The following CCDC88C variants were observed in gnomAD, a reference collection of about 807,000 sequenced individuals.
CCDC88C encodes protein Daple.
A neutral mutation model predicts 198.8 loss-of-function variants in CCDC88C; 131 were observed. The ratio of observed to expected loss-of-function variants is 0.66; its 90% CI spans 0.57 to 0.76. CCDC88C has a LOEUF of 0.76. CCDC88C is among the 30% of genes least tolerant of loss of function. CCDC88C has a pLI of 0.00. For missense variants in CCDC88C, 2,553 were observed against 2,631.6 expected (o/e 0.97, Z 0.65); for synonymous variants, 1,166 against 1,114.7 (o/e 1.05, Z -0.92).
intron 3 of CCDC88C, among the ~76,000 whole-genome samples, chr14:91,378,365 G>A (rs1455569929): frequency 6.6e-6 from 1 of 152,212 alleles, no homozygotes; most frequent in East Asian, 1.9e-4. Flanking sequence ...AGCTAAACCA[G>A]CTTGGGGCCC....
intron 10 of CCDC88C, among the ~76,000 whole-genome samples, chr14:91,332,687 A>G (rs1313699795): frequency 6.6e-6 from 1 of 151,794 alleles, no homozygotes; most frequent in African/African-American, 2.4e-5. Flanking sequence ...GAATGCAATA[A>G]CCTCTCTGCT....
At position 91,289,335 on chromosome 14, in the gene CCDC88C, T is replaced by C; in HGVS notation, c.4211A>G (p.His1404Arg). 1.2e-6 allele frequency: 2 copies of C among 1,613,750 alleles called. No homozygotes were observed. The highest frequency in any genetic ancestry group is 1.7e-6 in the Non-Finnish European group (2 of 1,179,646). ...GACTAAGGCTTTGGCTCCAATCCAG[T>C]GGTTCTTCCTGGTTAGAAGTAGATG... ...FYDPPPKKKN[H>R]WIGAKALVKL... Residue 1404 changes from histidine (H) to arginine (R), a missense_variant, in exon 25 of 30, where the codon CAC (histidine) becomes CGC (arginine). By Grantham distance (29) the His-to-Arg change is conservative. Transcript: ENST00000389857.
intron 12 of CCDC88C, among the ~76,000 whole-genome samples, chr14:91,321,718 G>T (rs1374583284): frequency 6.6e-6 from 1 of 152,170 alleles, no homozygotes; most frequent in Non-Finnish European, 1.5e-5. Context: ...AGCAGGCAGG[G>T]GCACGTAACT....
chr14:91,301,931 T>C (rs909764531), intron 20 of CCDC88C, among the ~76,000 whole-genome samples: 8 of 151,920 alleles, frequency 5.3e-5, no homozygotes, highest in African/African-American at 1.9e-4. Flanking sequence ...AATAACAAGA[T>C]GGGTGGGGGA....
chr14:91,322,005 C>T (rs761206599), intron 12 of CCDC88C, among the ~76,000 whole-genome samples: 157 of 152,174 alleles, frequency 1.0e-3, no homozygotes, highest in Non-Finnish European at 1.9e-3. Context: ...GAGTTCCTGG[C>T]CCCCTCCTGC....
Position 91,291,089 on chromosome 14 carries a change from G to T in CCDC88C, c.4113-5C>A. The T allele has an allele frequency of 1.4e-6, 2 of 1,455,716 alleles. No homozygotes were observed. Among genetic ancestry groups the T allele is most frequent in the Non-Finnish European group, 1.9e-6 (2 of 1,051,936 alleles). The allele number at this position is 1,455,716 out of a possible 1,614,324, so 90.2% of individuals were successfully genotyped here. A position where few individuals can be genotyped will look rare whatever the true frequency, so the allele number is the denominator to read the frequency against. The stretch of plus-strand genomic sequence containing the variant: ...CGTAAGGCATTTAATTTGTCTCTGT[G>T]AATATAGGAGAAAGAAAACCTATCA... On this transcript the variant is annotated splice_region_variant and splice_polypyrimidine_tract_variant and intron_variant, in intron 23 of 29. Transcript: ENST00000389857.
At chr14:91,413,746 G>A (rs11851555) in intron 2 of CCDC88C, among the ~76,000 whole-genome samples, 6,582 of 152,256 alleles carry the variant, frequency 0.043, 313 homozygotes, top group African/African-American at 0.11. Flanking sequence ...TTCTCCGGTT[G>A]CCGGAGACAA....
At chr14:91,372,929 G>A (rs1392069748) in intron 3 of CCDC88C, among the ~76,000 whole-genome samples, 4 of 152,174 alleles carry the variant, frequency 2.6e-5, no homozygotes, top group African/African-American at 4.8e-5. Context: ...TTTCCTAGCC[G>A]TCAGGTTTTG....
intron 13 of CCDC88C, chr14:91,316,000 A>T (rs1892075995): frequency 1.9e-6 from 1 of 533,854 alleles, no homozygotes; most frequent in Admixed American, 3.3e-5. Context: ...CCATCCCCCC[A>T]GCGTCCCTCT....
intron 29 of CCDC88C, among the ~76,000 whole-genome samples, chr14:91,276,858 C>G (rs1889987028): frequency 6.6e-6 from 1 of 152,230 alleles, no homozygotes; most frequent in African/African-American, 2.4e-5. Context: ...ACAGAGGTGG[C>G]AGGAGGTTGT....
intron 10 of CCDC88C, 130 bp from the exon 11 acceptor site, chr14:91,326,186 G>C: frequency 1.3e-6 from 1 of 763,386 alleles, no homozygotes; most frequent in Non-Finnish European, 2.0e-6. Flanking sequence ...TCCGAGGCAG[G>C]AAGTTTTTCC....
At chr14:91,318,366 T>C (rs535849518) in intron 13 of CCDC88C, among the ~76,000 whole-genome samples, 10 of 152,108 alleles carry the variant, frequency 6.6e-5, no homozygotes, top group African/African-American at 2.4e-4. Context: ...CAGTGAGCCA[T>C]GGTCACACTA....
At chr14:91,315,607 A>T (rs765140956) in intron 14 of CCDC88C, 43 bp downstream of exon 14, 4 of 1,608,874 alleles carry the variant, frequency 2.5e-6, no homozygotes, top group Admixed American at 3.4e-5. Flanking sequence ...TCCGTCTTGC[A>T]GGCAGGGGTT....
chr14:91,293,520 GT>G (rs1567055675), intron 23 of CCDC88C, among the ~76,000 whole-genome samples: 6 of 6,860 alleles, frequency 8.7e-4, no homozygotes, highest in South Asian at 4.0e-3. Flanking sequence ...CTACCTTCCT[GT>G]CCCCTCACCT....
intron 27 of CCDC88C, among the ~76,000 whole-genome samples, chr14:91,280,916 G>A (rs1890170147): frequency 6.6e-6 from 1 of 152,238 alleles, no homozygotes; most frequent in African/African-American, 2.4e-5. Flanking sequence ...ACTTCAAGGG[G>A]TCTTTTTAGG....
At chr14:91,302,971 C>T (rs956779501) in intron 20 of CCDC88C, among the ~76,000 whole-genome samples, 1 of 152,200 alleles carries the variant, frequency 6.6e-6, no homozygotes, top group African/African-American at 2.4e-5. Context: ...ATCCCCTTCT[C>T]CACACAGGAG....
chr14:91,304,293 C>T (rs921851029), intron 19 of CCDC88C, among the ~76,000 whole-genome samples: 2 of 152,168 alleles, frequency 1.3e-5, no homozygotes, highest in African/African-American at 4.8e-5. Context: ...TTTTAAAAAC[C>T]TCTTTTCAGC....
chr14:91,304,620 C>A (rs1019206120), intron 19 of CCDC88C, among the ~76,000 whole-genome samples: 1 of 151,908 alleles, frequency 6.6e-6, no homozygotes, highest in Non-Finnish European at 1.5e-5. Context: ...TTTTCTAGAA[C>A]AAGTATACAG....
chr14:91,380,227 G>A (rs1669503833), intron 3 of CCDC88C, among the ~76,000 whole-genome samples: 1 of 152,144 alleles, frequency 6.6e-6, no homozygotes, highest in Admixed American at 6.5e-5. Flanking sequence ...GTTAATAATA[G>A]GATTCGGCTA....
Sources: gnomAD v4.1 joint callset for allele counts (sites outside exome capture counted in the v4.1 genomes callset) on GRCh38, gnomAD v4.1.1 for gene constraint, MANE v1.5 for transcripts, NCBI Gene and HGNC (gene_info 2026-07-23, HGNC 2026-07-21) for gene names.